TACC2: variants seen among roughly 807,000 people sequenced by gnomAD.
TACC2 encodes the protein transforming acidic coiled-coil-containing protein 2.
A neutral mutation model predicts 227.3 loss-of-function variants in TACC2; 137 were observed. That is an observed-to-expected ratio of 0.60 (90% CI 0.52 to 0.69). TACC2 has a LOEUF of 0.69. TACC2 is among the 30% of genes least tolerant of loss of function. TACC2 has a pLI of 0.00. For synonymous variants in TACC2, 1,523 were observed against 1,487.5 expected (o/e 1.02, Z -0.55); for missense variants, 3,470 against 3,694.4 (o/e 0.94, Z 1.57).
In TACC2 at chr10:122,210,753, C is replaced by G; in HGVS notation, c.6328C>G (p.Pro2110Ala). The part of the protein sequence containing the change: ...SGNPEAVALA[P>A]DAYSTGSSSA... ...CAATCCCGAGGCCGTGGCCCTTGCC[C>G]CAGATGCATATAGCACGGGTTCCAG... The change falls in exon 9 of 23, where the codon CCA becomes GCA. Residue 2110 changes from proline to alanine, a missense_variant. Physicochemically the swap from Pro to Ala is conservative, Grantham distance 27. Coordinates refer to ENST00000369005, the MANE Select transcript of TACC2 (RefSeq NM_206862.4). The surrounding 1 kb of genome is among the most constrained non-coding windows in gnomAD (Gnocchi z 4.6). 1 of 1,613,936 alleles carries G rather than the reference C, an allele frequency of 6.2e-7. No homozygotes were observed.
chr10:122,095,827 G>A (rs559598155), intron 5 of TACC2, among the ~76,000 whole-genome samples: 2 of 152,316 alleles, frequency 1.3e-5, no homozygotes, highest in South Asian at 2.1e-4. Context: ...GGCTGCTAGC[G>A]AGCACTTGAA....
At chr10:122,138,034 C>T (rs747227597) in intron 6 of TACC2, among the ~76,000 whole-genome samples, 8 of 152,100 alleles carry the variant, frequency 5.3e-5, no homozygotes, top group Non-Finnish European at 1.2e-4. Flanking sequence ...TTGAAAGGCC[C>T]GGGAATTCAT....
intron 1 of TACC2, among the ~76,000 whole-genome samples, chr10:122,000,771 T>G (rs971227220): frequency 1.5e-4 from 23 of 152,154 alleles, no homozygotes; most frequent in Non-Finnish European, 7.3e-5. Context: ...CTCCCTCCAC[T>G]GTTCAATTTT....
intron 5 of TACC2, among the ~76,000 whole-genome samples, chr10:122,115,042 G>A (rs2084383828): frequency 6.6e-6 from 1 of 152,242 alleles, no homozygotes; most frequent in African/African-American, 2.4e-5. Context: ...ACCCCAGACC[G>A]CAGACACTTG....
chr10:122,083,529 C>T lies in TACC2; in HGVS notation c.1029C>T (p.His343=), dbSNP rs377717933. ...CQQPVGAYLP[H]AELPWGLPSP... Reference sequence around the variant, plus strand: ...AGCCAGTGGGAGCATATCTGCCGCACGCAGAGCTGCCCTGGGGCTTGCCAA... The same window carrying T: ...AGCCAGTGGGAGCATATCTGCCGCATGCAGAGCTGCCCTGGGGCTTGCCAA... The change falls in exon 4 of 23, where the codon CAC becomes CAT. Residue 343 remains histidine (H), a synonymous_variant. Coordinates refer to ENST00000369005, the MANE Select transcript of TACC2 (RefSeq NM_206862.4). 9 of 1,613,200 alleles carry T rather than the reference C, an allele frequency of 5.6e-6. No individual in the cohort carries two copies. Among genetic ancestry groups the T allele is most frequent in the East Asian group, 2.2e-5 (1 of 44,866 alleles).
rs1294899453 is a variant in TACC2, at chr10:122,145,467, AAAC to A, written c.5834+1764_5834+1766del. 9.2e-5 allele frequency among the ~76,000 whole-genome samples: 14 copies of A among 152,334 alleles called. No individual in the cohort carries two copies. In the East Asian group the frequency reaches 2.7e-3, roughly 29 times the overall value. ...TCTAGATGAGATTCTGGGAAAGGCA[AAAC>A]AATAAGGAATGGAAAACAGATCAGT... is the stretch of plus-strand genomic sequence containing the variant. On this transcript the variant is annotated intron_variant, in intron 7 of 22. Coordinates refer to ENST00000369005, the MANE Select transcript of TACC2 (RefSeq NM_206862.4).
At chr10:122,108,588 G>T (rs1277475669) in intron 5 of TACC2, among the ~76,000 whole-genome samples, 1 of 150,624 alleles carries the variant, frequency 6.6e-6, no homozygotes, top group East Asian at 2.0e-4. Flanking sequence ...TGGGATTACA[G>T]GCACGTGCCA....
At chr10:122,026,029 A>G (rs1320305229) in intron 2 of TACC2, among the ~76,000 whole-genome samples, 1 of 151,268 alleles carries the variant, frequency 6.6e-6, no homozygotes, top group Non-Finnish European at 1.5e-5. Flanking sequence ...AAAAGAGTAT[A>G]ATTTTGAGGC....
chr10:122,196,951 AC>A (rs1181287724), intron 8 of TACC2, among the ~76,000 whole-genome samples: 110 of 148,180 alleles, frequency 7.4e-4, no homozygotes, highest in African/African-American at 2.7e-3. Context: ...AAAAAAAAAA[AC>A]AAAAAAACAA....
intron 3 of TACC2, among the ~76,000 whole-genome samples, chr10:122,071,763 T>G (rs1414850964): frequency 6.8e-6 from 1 of 147,538 alleles, no homozygotes; most frequent in Non-Finnish European, 1.5e-5. Flanking sequence ...GACGGGCACC[T>G]GTAATCCCAG....
chr10:122,238,339 A>C (rs894672619), intron 18 of TACC2, among the ~76,000 whole-genome samples: 1 of 152,254 alleles, frequency 6.6e-6, no homozygotes, highest in Non-Finnish European at 1.5e-5. Flanking sequence ...GATCCTTCCA[A>C]GAATTTTCCA....
intron 1 of TACC2, among the ~76,000 whole-genome samples, chr10:121,998,685 C>T (rs1953886167): frequency 6.6e-6 from 1 of 152,166 alleles, no homozygotes; most frequent in Admixed American, 6.5e-5. Flanking sequence ...AGGGAACAGC[C>T]TCAGGAGAGC....
chr10:122,108,400 C>CTG (rs749661383), intron 5 of TACC2, among the ~76,000 whole-genome samples: 8 of 147,256 alleles, frequency 5.4e-5, no homozygotes, highest in African/African-American at 2.0e-4. Flanking sequence ...CTCTCTCTCT[C>CTG]TATGTGTGTG....
intron 3 of TACC2, among the ~76,000 whole-genome samples, chr10:122,067,896 C>T (rs1396341492): frequency 6.6e-6 from 1 of 152,156 alleles, no homozygotes; most frequent in Non-Finnish European, 1.5e-5. Flanking sequence ...ATTTTTCAGT[C>T]ATCAGTTCTT....
At chr10:122,196,942 A>C (rs1426737455) in intron 8 of TACC2, among the ~76,000 whole-genome samples, 1 of 150,308 alleles carries the variant, frequency 6.7e-6, no homozygotes, top group Non-Finnish European at 1.5e-5. Flanking sequence ...TCAAAAAAAA[A>C]AAAAAAAAAC....
chr10:122,191,620 G>A (rs1008390290), intron 7 of TACC2, among the ~76,000 whole-genome samples: 19 of 152,222 alleles, frequency 1.2e-4, no homozygotes, highest in Admixed American at 9.8e-4. Flanking sequence ...CCCATAGGCC[G>A]TGGGTTGGAC....
intron 19 of TACC2, among the ~76,000 whole-genome samples, chr10:122,244,666 C>G (rs1396225413): frequency 2.6e-5 from 4 of 152,090 alleles, no homozygotes; most frequent in African/African-American, 9.7e-5. Context: ...CATTTTCACT[C>G]ACGTAACCAG....
At position 122,229,398 on chromosome 10, in the gene TACC2, C is replaced by T; in HGVS notation, c.7949C>T (p.Ala2650Val). 6.2e-7 allele frequency: 1 copy of T among 1,614,036 alleles called. No homozygotes were observed. The highest frequency in any genetic ancestry group is 8.5e-7 in the Non-Finnish European group (1 of 1,180,004). ...GCTGACGCCCTCCTCAGCAGGCTAG[C>T]TCACCCCGTCTCTCTCTGTGGTGCA... ...ASADALLSRLAHPVSLCGALD... is the reference protein window; with the variant it reads ...ASADALLSRLVHPVSLCGALD... Residue 2650 changes from alanine to valine, a missense_variant, in exon 15 of 23, where the codon GCT becomes GTT. This residue lies in a region of TACC2 where 345 missense variants were observed against 354.4 expected (regional missense o/e 0.97). Transcript: ENST00000369005.
chr10:122,114,876 CTT>C (rs1168433021), intron 5 of TACC2, among the ~76,000 whole-genome samples: 9 of 152,298 alleles, frequency 5.9e-5, no homozygotes, highest in African/African-American at 1.9e-4. Context: ...TCTTTTCTCT[CTT>C]AAAAAAATAA....
Sources: gnomAD v4.1 joint callset for allele counts (sites outside exome capture counted in the v4.1 genomes callset) on GRCh38, gnomAD v4.1.1 for gene constraint, gnomAD v4.1.1 regional missense constraint, Gnocchi (gnomAD v3.1) non-coding constraint, MANE v1.5 for transcripts, NCBI Gene and HGNC (gene_info 2026-07-23, HGNC 2026-07-21) for gene names.